ZNF124: variants seen among roughly 807,000 people sequenced by gnomAD.
ZNF124 encodes the protein zinc finger protein 124.
Under a neutral mutation model 26.6 loss-of-function variants are expected in ZNF124, and 25 were observed. The ratio of observed to expected loss-of-function variants is 0.94; its 90% CI spans 0.68 to 1.31. The LOEUF is 1.31. Among genes scored for constraint, ZNF124 ranks in the 40% most tolerant of loss-of-function variants. ZNF124 has a pLI of 0.00. For missense variants in ZNF124, 444 were observed against 422.2 expected (o/e 1.05, Z -0.45); for synonymous variants, 129 against 133.3 (o/e 0.97, Z 0.22).
intron 3 of ZNF124, among the ~76,000 whole-genome samples, chr1:247,145,021 G>T (rs896724654): frequency 1.2e-4 from 18 of 152,080 alleles, no homozygotes; most frequent in African/African-American, 3.6e-4. Flanking sequence ...TGATCCACCC[G>T]CCTCGGCCTC....
At chr1:247,169,115 G>A (rs1446544358) in intron 1 of ZNF124, among the ~76,000 whole-genome samples, 1 of 151,806 alleles carries the variant, frequency 6.6e-6, no homozygotes, top group Non-Finnish European at 1.5e-5. Flanking sequence ...TATCTTTAAA[G>A]CTCTATTGAT....
chr1:247,170,357 T>TG (rs1431855484), intron 1 of ZNF124, among the ~76,000 whole-genome samples: 15 of 147,712 alleles, frequency 1.0e-4, no homozygotes, highest in African/African-American at 3.4e-4. Context: ...GAGGTGAAGT[T>TG]GGAGTTTGAG....
At chr1:247,142,571 C>T (rs12093759) in intron 3 of ZNF124, among the ~76,000 whole-genome samples, 26,990 of 152,146 alleles carry the variant, frequency 0.18, 2,633 homozygotes, top group Middle Eastern at 0.31. Context: ...TCTCCCAGGC[C>T]GAGTCCTCAG....
chr1:247,132,973 C>G (rs1012511402), intron 3 of ZNF124, among the ~76,000 whole-genome samples: 1 of 152,168 alleles, frequency 6.6e-6, no homozygotes, highest in Non-Finnish European at 1.5e-5. Context: ...CCTCTTTAAC[C>G]CGGTGTCTGA....
intron 3 of ZNF124, among the ~76,000 whole-genome samples, chr1:247,143,056 A>C (rs1332869518): frequency 2.6e-5 from 4 of 152,164 alleles, no homozygotes; most frequent in Admixed American, 2.0e-4. Context: ...AAGAATCTGC[A>C]TGTGAGAGAG....
chr1:247,136,955 A>T (rs1672499623), intron 3 of ZNF124, among the ~76,000 whole-genome samples: 1 of 151,928 alleles, frequency 6.6e-6, no homozygotes, highest in Admixed American at 6.6e-5. Flanking sequence ...CAAAAAAAAA[A>T]AAAAATTATA....
chr1:247,161,462 C>T (rs1209414835), intron 1 of ZNF124, among the ~76,000 whole-genome samples: 2 of 151,922 alleles, frequency 1.3e-5, no homozygotes, highest in East Asian at 3.9e-4. Flanking sequence ...AGACCACTTG[C>T]AGAAGTCACA....
intron 1 of ZNF124, among the ~76,000 whole-genome samples, chr1:247,171,108 G>A (rs541414765): frequency 0.036 from 282 of 7,902 alleles, no homozygotes; most frequent in Non-Finnish European, 0.049. Flanking sequence ...ATTTACCTCT[G>A]ATTACATAAC....
In ZNF124 at chr1:247,157,334, A is replaced by G. The variant is rs1673210168; in HGVS notation, c.288T>C (p.Cys96=). 2.6e-6 allele frequency: 4 copies of G among 1,566,758 alleles called. No homozygotes were observed. In the East Asian group the frequency reaches 9.5e-5, roughly 37 times the overall value. Residue 96 remains cysteine, a synonymous_variant, in exon 4 of 4, where the codon TGT becomes TGC. Coordinates refer to ENST00000543802, the MANE Select transcript of ZNF124 (RefSeq NM_001297568.2). ...CEECGKKPCT[C]KQCQKTSLSV... ...AAAGGGAAGTTTTCTGACATTGTTT[A>G]CATGTACATGGCTTCTTTCCGCATT...
chr1:247,125,393 C>A (rs1040655466), intron 3 of ZNF124, among the ~76,000 whole-genome samples: 1 of 143,132 alleles, frequency 7.0e-6, no homozygotes, highest in East Asian at 2.1e-4. Flanking sequence ...TGTGAGGGTT[C>A]CAATTTCTCC....
At chr1:247,167,120 C>T (rs1005793482) in intron 1 of ZNF124, among the ~76,000 whole-genome samples, 3 of 152,148 alleles carry the variant, frequency 2.0e-5, no homozygotes, top group Non-Finnish European at 4.4e-5. Context: ...TAAACTAGGA[C>T]TACAAGGAAA....
At chr1:247,130,448 A>C (rs1237460846) in intron 3 of ZNF124, among the ~76,000 whole-genome samples, 1 of 152,190 alleles carries the variant, frequency 6.6e-6, no homozygotes, top group Admixed American at 6.5e-5. Flanking sequence ...ACAGAAGCTC[A>C]CTAAAGCATC....
intron 1 of ZNF124, 115 bp from the exon 2 acceptor site, chr1:247,159,928 G>A: frequency 1.5e-6 from 2 of 1,313,124 alleles, no homozygotes; most frequent in Non-Finnish European, 2.0e-6. Context: ...CTACTATTTG[G>A]TCACTAGAAC....
intron 3 of ZNF124, among the ~76,000 whole-genome samples, chr1:247,149,410 G>C (rs1049913508): frequency 1.3e-5 from 2 of 152,160 alleles, no homozygotes; most frequent in Admixed American, 1.3e-4. Context: ...GTTTATTGCA[G>C]CATTTTCCAC....
intron 1 of ZNF124, among the ~76,000 whole-genome samples, chr1:247,170,597 TC>T (rs1674052400): frequency 6.9e-6 from 1 of 144,344 alleles, no homozygotes; most frequent in Admixed American, 6.7e-5. Context: ...AGGGCTTCAT[TC>T]TGCCGGAAGC....
At chr1:247,151,059 AAATAGAGGTTATTC>A (rs1332667056), downstream of ZNF124, among the ~76,000 whole-genome samples, 10 of 152,166 alleles carry the variant, frequency 6.6e-5, no homozygotes, top group Non-Finnish European at 1.0e-4. Context: ...TAAGTCTTCA[AAATAGAGGTTATTC>A]AATAACTAAA....
At chr1:247,124,829 G>A (rs1298938526) in intron 3 of ZNF124, among the ~76,000 whole-genome samples, 3 of 152,028 alleles carry the variant, frequency 2.0e-5, no homozygotes, top group Admixed American at 6.6e-5. Flanking sequence ...ACAGGGTCTC[G>A]CTCTGTCACC....
downstream of ZNF124, among the ~76,000 whole-genome samples, chr1:247,154,535 A>G (rs958840896): frequency 6.6e-6 from 1 of 152,230 alleles, no homozygotes; most frequent in Non-Finnish European, 1.5e-5. Flanking sequence ...ATAACACTAT[A>G]TAGTATATAG....
At chr1:247,144,979 T>C (rs1050071988) in intron 3 of ZNF124, among the ~76,000 whole-genome samples, 1 of 152,108 alleles carries the variant, frequency 6.6e-6, no homozygotes, top group African/African-American at 2.4e-5. Context: ...TTTCACCATA[T>C]TGGCCAGGCC....
Sources: gnomAD v4.1 joint callset for allele counts (sites outside exome capture counted in the v4.1 genomes callset) on GRCh38, gnomAD v4.1.1 for gene constraint, MANE v1.5 for transcripts, NCBI Gene and HGNC (gene_info 2026-07-23, HGNC 2026-07-21) for gene names.